The following SDK1 variants were observed in gnomAD, a reference collection of about 807,000 sequenced individuals.
The protein encoded by SDK1 is sidekick cell adhesion molecule 1.
A neutral mutation model predicts 245.5 loss-of-function variants in SDK1; 157 were observed. That is an observed-to-expected ratio of 0.64 (90% CI 0.56 to 0.73). The LOEUF (loss-of-function observed/expected upper bound fraction) is 0.73. Among genes scored for constraint, SDK1 ranks in the 30% least tolerant of loss-of-function variants. The pLI is 0.00. For synonymous variants in SDK1, 1,647 were observed against 1,278.5 expected, an observed-to-expected ratio of 1.29 and a Z score of -6.15; for missense variants, 3,583 against 3,002.3, an observed-to-expected ratio of 1.19 and a Z score of -4.52.
At chr7:3,905,179 A>AT (rs1450252718) in intron 5 of SDK1, among the ~76,000 whole-genome samples, 3 of 151,268 alleles carry the variant, frequency 2.0e-5, no homozygotes, top group Non-Finnish European at 4.4e-5. Context: ...TAACTTCACC[A>AT]TTTTTTTTAT....
At chr7:3,395,206 A>G (rs1019260211) in intron 1 of SDK1, among the ~76,000 whole-genome samples, 1 of 151,934 alleles carries the variant, frequency 6.6e-6, no homozygotes, top group Non-Finnish European at 1.5e-5. Flanking sequence ...GATTTTGTCA[A>G]ATGTTTTCTC....
rs537700553 is a variant in SDK1, at chr7:3,393,418, C to G, written c.298+91534C>G. Among the ~76,000 whole-genome samples the G allele has an allele frequency of 3.3e-5, 5 of 152,250 alleles. No individual in the cohort carries two copies. In the South Asian group the frequency reaches 1.0e-3, roughly 32 times the overall value. On this transcript the variant is annotated intron_variant, in intron 1 of 44. Transcript: ENST00000404826. ...TACTTAACAGAAATGTTTGAGAGTT[C>G]CAACTTTTTTACATTCTTGCCAACA...
At chr7:3,330,037 C>T (rs1780030614) in intron 1 of SDK1, among the ~76,000 whole-genome samples, 1 of 152,160 alleles carries the variant, frequency 6.6e-6, no homozygotes, top group African/African-American at 2.4e-5. Flanking sequence ...TACTTCATTC[C>T]TTTTTATGGC....
At chr7:3,679,651 A>G (rs1459509155) in intron 4 of SDK1, among the ~76,000 whole-genome samples, 2 of 152,208 alleles carry the variant, frequency 1.3e-5, no homozygotes, top group African/African-American at 2.4e-5. Context: ...ATATGAAAAT[A>G]CCTTTGCCAT....
At position 3,799,298 on chromosome 7, in the gene SDK1, C is replaced by T. The variant is rs923259702; in HGVS notation, c.714-22152C>T. Among the ~76,000 whole-genome samples, 8 of 151,628 alleles carry T rather than the reference C, an allele frequency of 5.3e-5. No homozygotes were observed. In the South Asian group the frequency reaches 1.5e-3, roughly 28 times the overall value. On this transcript the variant is annotated intron_variant, in intron 4 of 44. Transcript: ENST00000404826. ...ATAGTATCTTTAGGATCCAGTAATT[C>T]TTCTATCTCAAATTGTGGCATGTTC...
chr7:4,079,027 C>G (rs1001190915), intron 21 of SDK1, among the ~76,000 whole-genome samples: 3 of 152,222 alleles, frequency 2.0e-5, no homozygotes, highest in Admixed American at 6.5e-5. Context: ...GGCCTATGCA[C>G]TCTTCCCTCC....
At chr7:4,260,986 A>G (rs926474671) in intron 44 of SDK1, among the ~76,000 whole-genome samples, 7 of 152,226 alleles carry the variant, frequency 4.6e-5, no homozygotes, top group Admixed American at 1.3e-4. Flanking sequence ...GTATTGTACC[A>G]TAAGCCAAAC....
intron 8 of SDK1, among the ~76,000 whole-genome samples, chr7:3,960,210 G>A (rs972014165): frequency 2.6e-5 from 4 of 152,326 alleles, no homozygotes; most frequent in African/African-American, 7.2e-5. Flanking sequence ...CAAAGGCACT[G>A]GGCCACTCAA....
Position 3,818,830 on chromosome 7 carries a change from A to G in SDK1, c.714-2620A>G, listed in dbSNP as rs145539425. Among the ~76,000 whole-genome samples, 232 of 152,322 alleles carry G rather than the reference A, an allele frequency of 1.5e-3. 1 individual carries two copies. The highest frequency in any genetic ancestry group is 0.014 in the Admixed American group (219 of 15,300). ...TGTGAAGGTCATTTCTATCATGGCC[A>G]TAAAATCACCACCATGAACACGTTG... On this transcript the variant is annotated intron_variant, in intron 4 of 44. Transcript: ENST00000404826.
At chr7:4,032,026 CAA>C (rs1190606605) in intron 17 of SDK1, among the ~76,000 whole-genome samples, 1,720 of 73,142 alleles carry the variant, frequency 0.024, 22 homozygotes, top group South Asian at 0.076. Context: ...GACTCTGCCT[CAA>C]AAAAAAAAAA....
At chr7:3,764,815 T>A (rs973514630) in intron 4 of SDK1, among the ~76,000 whole-genome samples, 1 of 152,146 alleles carries the variant, frequency 6.6e-6, no homozygotes, top group Non-Finnish European at 1.5e-5. Context: ...AATATGTAAA[T>A]TGAATTCAGA....
intron 2 of SDK1, among the ~76,000 whole-genome samples, chr7:3,634,078 T>C (rs1243193226): frequency 6.6e-6 from 1 of 152,164 alleles, no homozygotes; most frequent in Non-Finnish European, 1.5e-5. Context: ...ATGTGTCTAA[T>C]TGGCCATGCT....
intron 1 of SDK1, among the ~76,000 whole-genome samples, chr7:3,373,123 A>G (rs535972311): frequency 1.3e-5 from 2 of 152,308 alleles, no homozygotes; most frequent in African/African-American, 2.4e-5. Flanking sequence ...ATAAACTGAT[A>G]AGCTGAAAAT....
chr7:3,767,268 G>A (rs1171967130), intron 4 of SDK1, among the ~76,000 whole-genome samples: 1 of 152,078 alleles, frequency 6.6e-6, no homozygotes, highest in African/African-American at 2.4e-5. Flanking sequence ...TTGGACTCTG[G>A]GACTGCCTTT....
intron 35 of SDK1, among the ~76,000 whole-genome samples, chr7:4,198,749 A>G (rs1295379208): frequency 2.0e-5 from 3 of 151,576 alleles, no homozygotes; most frequent in Non-Finnish European, 4.4e-5. Context: ...TATCGAGCTC[A>G]TTCTGAGGCC....
chr7:4,084,428 C>T (rs1016513949), intron 22 of SDK1, among the ~76,000 whole-genome samples: 1 of 152,152 alleles, frequency 6.6e-6, no homozygotes, highest in Admixed American at 6.5e-5. Context: ...GCATGAGGCT[C>T]CACTCTTTGA....
At chr7:3,448,791 C>A (rs1176671905) in intron 1 of SDK1, among the ~76,000 whole-genome samples, 1 of 152,130 alleles carries the variant, frequency 6.6e-6, no homozygotes, top group Non-Finnish European at 1.5e-5. Context: ...CCCAGCTTAA[C>A]CCATTTTCAG....
intron 7 of SDK1, among the ~76,000 whole-genome samples, chr7:3,956,746 G>T (rs1781293709): frequency 6.6e-6 from 1 of 152,212 alleles, no homozygotes; most frequent in East Asian, 1.9e-4. Context: ...GCCAAACACA[G>T]ATGGTCCCTG....
chr7:3,536,776 T>C (rs549551901), intron 1 of SDK1, among the ~76,000 whole-genome samples: 1 of 152,176 alleles, frequency 6.6e-6, no homozygotes, highest in Admixed American at 6.5e-5. Flanking sequence ...ACAATACTTG[T>C]ATTCGTTGGA....
Sources: allele counts gnomAD v4.1 joint callset (sites outside exome capture counted in the v4.1 genomes callset), GRCh38; gene constraint gnomAD v4.1.1; transcripts MANE v1.5; gene names NCBI Gene and HGNC (gene_info 2026-07-23, HGNC 2026-07-21).